PRKG1: variants seen among roughly 807,000 people sequenced by gnomAD.
PRKG1 encodes cGMP-dependent protein kinase 1.
In PRKG1, 35 loss-of-function variants were observed where a neutral mutation model predicts 88.1. The observed-to-expected ratio is 0.40, with a 90% CI of 0.30 to 0.53. The LOEUF (loss-of-function observed/expected upper bound fraction) is 0.53, where lower values mean the gene tolerates loss of function less well. Among genes scored for constraint, PRKG1 ranks in the 20% least tolerant of loss-of-function variants. The pLI, the probability that PRKG1 is intolerant of heterozygous loss-of-function variation, is 0.59. For synonymous variants in PRKG1, 303 were observed against 292.5 expected (o/e 1.04, Z -0.37); for missense variants, 540 against 839.8 (o/e 0.64, Z 4.41).
chr10:51,895,436 C>A (rs1459222223), intron 4 of PRKG1, among the ~76,000 whole-genome samples: 1 of 152,058 alleles, frequency 6.6e-6, no homozygotes, highest in Middle Eastern at 3.2e-3. Context: ...CCAGTATCTG[C>A]ATGGGCCTGT....
intron 5 of PRKG1, among the ~76,000 whole-genome samples, chr10:51,966,614 C>T (rs1843573042): frequency 6.6e-6 from 1 of 152,166 alleles, no homozygotes; most frequent in Admixed American, 6.6e-5. Flanking sequence ...TATGCTATGG[C>T]TGTGTTTGTG....
chr10:51,806,766 C>A (rs1351248296), intron 4 of PRKG1, among the ~76,000 whole-genome samples: 1 of 152,096 alleles, frequency 6.6e-6, no homozygotes, highest in African/African-American at 2.4e-5. Context: ...ACATTCAAGG[C>A]CCTCCTATAG....
chr10:51,356,112 G>A (rs1481521706), intron 2 of PRKG1, among the ~76,000 whole-genome samples: 1 of 151,960 alleles, frequency 6.6e-6, no homozygotes, highest in East Asian at 1.9e-4. Flanking sequence ...CACACCTCCA[G>A]AGTTTTATTT....
At chr10:51,563,576 G>A (rs148903245) in intron 3 of PRKG1, among the ~76,000 whole-genome samples, 5 of 151,974 alleles carry the variant, frequency 3.3e-5, no homozygotes, top group African/African-American at 1.2e-4. Context: ...GTAAAGGTTT[G>A]ATACACTGCA....
intron 2 of PRKG1, among the ~76,000 whole-genome samples, chr10:51,441,685 C>A (rs1224572881): frequency 6.6e-6 from 1 of 151,884 alleles, no homozygotes; most frequent in Non-Finnish European, 1.5e-5. Context: ...TTTATCCTAC[C>A]AAGTTATTGA....
At chr10:51,910,941 G>C (rs1842202713) in intron 5 of PRKG1, 1 of 152,170 alleles carries the variant, frequency 6.6e-6, no homozygotes, top group South Asian at 2.1e-4. Context: ...GAAAGATAGT[G>C]AAAATGCTTT....
intron 5 of PRKG1, among the ~76,000 whole-genome samples, chr10:51,921,031 T>G (rs1842452078): frequency 6.6e-6 from 1 of 152,058 alleles, no homozygotes; most frequent in South Asian, 2.1e-4. Flanking sequence ...ATTCTTTGGG[T>G]TTTGCCCCCC....
At chr10:51,929,656 T>G (rs947442523) in intron 5 of PRKG1, among the ~76,000 whole-genome samples, 1 of 152,126 alleles carries the variant, frequency 6.6e-6, no homozygotes, top group African/African-American at 2.4e-5. Context: ...TGGCCTGAAT[T>G]CTGATATAAA....
intron 3 of PRKG1, among the ~76,000 whole-genome samples, chr10:51,635,774 TTG>T (rs565321338): frequency 6.6e-4 from 100 of 152,310 alleles, no homozygotes; most frequent in African/African-American, 2.3e-3. Flanking sequence ...ATTAATCACT[TTG>T]TTTATCATTT....
chr10:51,912,174 T>G (rs1589415102), intron 5 of PRKG1, among the ~76,000 whole-genome samples: 2 of 152,298 alleles, frequency 1.3e-5, no homozygotes, highest in South Asian at 2.1e-4. Flanking sequence ...CACACCATTT[T>G]AAAGTAGGAA....
rs537045802 is a variant in PRKG1 at position 51,259,619 on chromosome 10, G to A, written c.478+106289G>A. 4.6e-5 allele frequency among the ~76,000 whole-genome samples: 7 copies of A among 152,146 alleles called. No homozygotes were observed. The South Asian group carries it at 1.5e-3, about 32-fold the overall frequency. On this transcript the variant is annotated intron_variant, in intron 2 of 17. Transcript: ENST00000373980. ...CTCCTGAGTAGCTGGGATTATAGGC[G>A]TGTGTCACCACGCCCGTCTAATTTT...
chr10:51,632,988 G>A (rs1256611952), intron 3 of PRKG1, among the ~76,000 whole-genome samples: 1 of 152,086 alleles, frequency 6.6e-6, no homozygotes, highest in Non-Finnish European at 1.5e-5. Context: ...CCAATGTAAT[G>A]AATCTTGTTT....
At chr10:51,643,129 T>A (rs911356358) in intron 3 of PRKG1, among the ~76,000 whole-genome samples, 3 of 150,786 alleles carry the variant, frequency 2.0e-5, no homozygotes, top group African/African-American at 7.3e-5. Context: ...GTTAAAAAAA[T>A]TAGTCAATGG....
At chr10:51,554,498 A>G (rs972675787) in intron 3 of PRKG1, among the ~76,000 whole-genome samples, 2 of 150,166 alleles carry the variant, frequency 1.3e-5, no homozygotes, top group African/African-American at 4.9e-5. Context: ...TCTCTGCCTG[A>G]TGAATCCCTA....
intron 7 of PRKG1, among the ~76,000 whole-genome samples, chr10:52,073,061 C>A (rs1051536727): frequency 1.3e-5 from 2 of 152,212 alleles, no homozygotes; most frequent in Admixed American, 6.5e-5. Context: ...TTCCATGCCT[C>A]ACTCCTAGCT....
rs1287291467 is a variant in PRKG1, at chr10:50,991,174, GC to G, written c.-204del. On this transcript the variant is annotated 5_prime_UTR_variant, in exon 1 of 18. Coordinates refer to the PRKG1 transcript ENST00000401604. This position sits in a 1 kb window ranked among gnomAD's most constrained non-coding sequence, Gnocchi z 4.5. ...TTAGACTTCTCATCCTCCCCTCGGT[GC>G]TTTTAGTCCATTCAGCAGAAGCGGA... is the stretch of plus-strand genomic sequence containing the variant. 6.2e-6 allele frequency: 4 copies of G among 642,096 alleles called. No individual in the cohort carries two copies. The highest frequency in any genetic ancestry group is 6.0e-5 in the African/African-American group (3 of 50,008). The allele number at this position is 642,096 out of a possible 1,614,324, so 39.8% of individuals were successfully genotyped here.
At chr10:51,784,063 C>A (rs1262546680) in intron 3 of PRKG1, among the ~76,000 whole-genome samples, 2 of 152,010 alleles carry the variant, frequency 1.3e-5, no homozygotes, top group African/African-American at 4.8e-5. Context: ...TTTAACACTC[C>A]CCTTGTGAAA....
At chr10:51,893,011 T>C (rs895288326) in intron 4 of PRKG1, among the ~76,000 whole-genome samples, 2 of 152,212 alleles carry the variant, frequency 1.3e-5, no homozygotes, top group African/African-American at 4.8e-5. Flanking sequence ...TGCAGGCATA[T>C]GCAATTGTAA....
At chr10:52,258,326 C>CT (rs1257850197) in intron 10 of PRKG1, among the ~76,000 whole-genome samples, 3 of 138,896 alleles carry the variant, frequency 2.2e-5, no homozygotes, top group Non-Finnish European at 4.9e-5. Context: ...TCATACTTGC[C>CT]TTTTTTGTTT....
Sources: allele counts gnomAD v4.1 joint callset (sites outside exome capture counted in the v4.1 genomes callset), GRCh38; gene constraint gnomAD v4.1.1; non-coding constraint Gnocchi (gnomAD v3.1); transcripts MANE v1.5; gene names NCBI Gene and HGNC (gene_info 2026-07-23, HGNC 2026-07-21).